Variants in GRIK1 observed in about 807,000 individuals in gnomAD.
GRIK1 encodes the protein glutamate ionotropic receptor kainate type subunit 1.
A neutral mutation model predicts 105.7 loss-of-function variants in GRIK1; 69 were observed. The ratio of observed to expected loss-of-function variants is 0.65; its 90% CI spans 0.54 to 0.80. The LOEUF (loss-of-function observed/expected upper bound fraction) is 0.80, where lower values mean the gene tolerates loss of function less well. Among genes scored for constraint, GRIK1 ranks in the 30% least tolerant of loss-of-function variants. GRIK1 has a pLI of 0.00. For missense variants in GRIK1, 1,109 were observed against 1,167.3 expected, an observed-to-expected ratio of 0.95 and a Z score of 0.73; for synonymous variants, 438 against 431.3, an observed-to-expected ratio of 1.02 and a Z score of -0.19.
intron 1 of GRIK1, among the ~76,000 whole-genome samples, chr21:29,703,484 A>C (rs948876936): frequency 6.6e-6 from 1 of 152,226 alleles, no homozygotes; most frequent in African/African-American, 2.4e-5. Flanking sequence ...TGATTACATC[A>C]TAAGCAATTT....
intron 3 of GRIK1, among the ~76,000 whole-genome samples, chr21:29,684,715 T>C (rs1242772584): frequency 6.6e-6 from 1 of 152,156 alleles, no homozygotes; most frequent in Non-Finnish European, 1.5e-5. Context: ...TTTCACCGTG[T>C]TAGCCAGGAT....
chr21:29,654,296 G>A (rs1239459109), intron 5 of GRIK1, among the ~76,000 whole-genome samples: 2 of 152,106 alleles, frequency 1.3e-5, no homozygotes, highest in Non-Finnish European at 2.9e-5. Context: ...CTAAGGCTTA[G>A]GACCATGATT....
At chr21:29,749,766 T>TAAGCAG (rs1452137098) in intron 1 of GRIK1, among the ~76,000 whole-genome samples, 1 of 152,232 alleles carries the variant, frequency 6.6e-6, no homozygotes, top group Non-Finnish European at 1.5e-5. Flanking sequence ...TGCTTATATA[T>TAAGCAG]TTCAACTATA....
chr21:29,934,081 A>G (rs1355735030), intron 1 of GRIK1, among the ~76,000 whole-genome samples: 2 of 152,198 alleles, frequency 1.3e-5, no homozygotes, highest in Non-Finnish European at 2.9e-5. Flanking sequence ...ATCTCCATCA[A>G]TCCTTCCTCT....
intron 1 of GRIK1, among the ~76,000 whole-genome samples, chr21:29,750,601 C>T (rs965761552): frequency 2.6e-5 from 4 of 151,998 alleles, no homozygotes; most frequent in Non-Finnish European, 5.9e-5. Flanking sequence ...AAAGGTAGGA[C>T]GCCAAGCAGT....
At chr21:29,880,319 GA>G (rs1441884050) in intron 1 of GRIK1, among the ~76,000 whole-genome samples, 2 of 152,206 alleles carry the variant, frequency 1.3e-5, no homozygotes, top group South Asian at 2.1e-4. Flanking sequence ...GAATCAGAAT[GA>G]TTTCATTTTT....
At chr21:29,939,327 G>T (rs2071889597) in intron 1 of GRIK1, 56 bp downstream of exon 1, 3 of 1,043,746 alleles carry the variant, frequency 2.9e-6, no homozygotes, top group African/African-American at 1.6e-5. Context: ...CGCTACACCC[G>T]CGTTGGTGCG....
chr21:29,911,296 G>A (rs1388562028), intron 1 of GRIK1, among the ~76,000 whole-genome samples: 4 of 152,014 alleles, frequency 2.6e-5, no homozygotes, highest in African/African-American at 9.7e-5. Flanking sequence ...GGGACAAAAT[G>A]TTTATTACAT....
chr21:29,560,519 CCTT>C lies in GRIK1; in HGVS notation c.2356+1102_2356+1104del, dbSNP rs2090436574. On this transcript the variant is annotated intron_variant, in intron 15 of 17. Transcript: ENST00000327783. Reference sequence around the variant, plus strand: ...TCTTTCCTTCCTTCCTTCCTTCCTTCCTTTCTTTCTTTCTTTCTTTCTTTCTTT... The same window carrying C: ...TCTTTCCTTCCTTCCTTCCTTCCTTCTCTTTCTTTCTTTCTTTCTTTCTTT... Among the ~76,000 whole-genome samples the C allele has an allele frequency of 3.5e-5, 2 of 57,812 alleles. 1 individual carries two copies. Among genetic ancestry groups the C allele is most frequent in the East Asian group, 8.7e-4 (2 of 2,306 alleles). 37.9% of individuals were successfully genotyped at this position (57,812 alleles called of 152,430 possible).
At chr21:29,854,243 C>G (rs1392307194) in intron 1 of GRIK1, among the ~76,000 whole-genome samples, 1 of 152,022 alleles carries the variant, frequency 6.6e-6, no homozygotes, top group Non-Finnish European at 1.5e-5. Context: ...TTTTAAATAA[C>G]CAGCTCTCAC....
At chr21:29,814,298 T>G (rs2067094452) in intron 1 of GRIK1, among the ~76,000 whole-genome samples, 1 of 151,850 alleles carries the variant, frequency 6.6e-6, no homozygotes, top group African/African-American at 2.4e-5. Context: ...GTTTTTGGTC[T>G]CTTCATGACA....
intron 1 of GRIK1, among the ~76,000 whole-genome samples, chr21:29,883,641 T>C (rs1399540286): frequency 6.6e-6 from 1 of 152,064 alleles, no homozygotes; most frequent in Non-Finnish European, 1.5e-5. Flanking sequence ...ATCAGTGTTA[T>C]CAGGTATCAG....
chr21:29,611,429 G>A (rs1178612120), intron 7 of GRIK1, among the ~76,000 whole-genome samples: 1 of 152,094 alleles, frequency 6.6e-6, no homozygotes, highest in African/African-American at 2.4e-5. Context: ...TTTTGAACTA[G>A]ATTTACCATC....
intron 1 of GRIK1, among the ~76,000 whole-genome samples, chr21:29,916,260 G>A (rs1170138330): frequency 1.3e-5 from 2 of 151,850 alleles, no homozygotes; most frequent in African/African-American, 2.4e-5. Context: ...TTGTAAGAAT[G>A]AAATGAGATT....
intron 1 of GRIK1, among the ~76,000 whole-genome samples, chr21:29,818,824 T>A (rs1293788940): frequency 6.6e-6 from 1 of 151,894 alleles, no homozygotes; most frequent in Non-Finnish European, 1.5e-5. Context: ...ACAGTTAGGA[T>A]GAATCTGACC....
chr21:29,765,265 T>A (rs1275109506), intron 1 of GRIK1, among the ~76,000 whole-genome samples: 1 of 152,186 alleles, frequency 6.6e-6, no homozygotes, highest in African/African-American at 2.4e-5. Flanking sequence ...TCCCTCCTAC[T>A]TTTATTTTAT....
chr21:29,650,981 A>G, intron 6 of GRIK1, 137 bp downstream of exon 6: 2 of 608,096 alleles, frequency 3.3e-6, no homozygotes, highest in South Asian at 5.6e-5. Flanking sequence ...TTACCTAAAA[A>G]GCAAACTCTT....
chr21:29,595,611 A>C (rs2061398039), intron 9 of GRIK1, among the ~76,000 whole-genome samples: 1 of 152,182 alleles, frequency 6.6e-6, no homozygotes, highest in African/African-American at 2.4e-5. Flanking sequence ...AATTTGAAAG[A>C]TGAAAGTGAA....
chr21:29,591,121 G>C lies in GRIK1; in HGVS notation c.1356C>G (p.Thr452=). ...CATGAAGTCAACTTACCAGAATGGT[G>C]GTGACAATGAGTGTTCTGTTGGCCA... The part of the protein sequence containing the change: ...DSLANRTLIV[T]TILEEPYVMY... The change falls in exon 10 of 18, where the codon ACC becomes ACG. Residue 452 remains threonine, a synonymous_variant. Coordinates refer to ENST00000327783, the MANE Select transcript of GRIK1 (RefSeq NM_001330994.2). 2.6e-6 allele frequency: 4 copies of C among 1,558,776 alleles called. No individual in the cohort carries two copies. Among genetic ancestry groups the C allele is most frequent in the East Asian group, 4.5e-5 (2 of 44,632 alleles).
Sources: allele counts gnomAD v4.1 joint callset (sites outside exome capture counted in the v4.1 genomes callset), GRCh38; gene constraint gnomAD v4.1.1; transcripts MANE v1.5; gene names NCBI Gene and HGNC (gene_info 2026-07-23, HGNC 2026-07-21).